KIF1A: variants seen among roughly 807,000 people sequenced by gnomAD.
KIF1A encodes kinesin-like protein KIF1A.
KIF1A carries 46 observed loss-of-function variants against 227.3 expected under a neutral mutation model. The observed-to-expected ratio is 0.20, with a 90% confidence interval of 0.16 to 0.26. KIF1A has a LOEUF of 0.26. Ranked by LOEUF, KIF1A falls within the 10% of genes least tolerant of loss-of-function variation. KIF1A has a pLI of 1.00. For synonymous variants in KIF1A, 1,022 were observed against 1,012.8 expected, an observed-to-expected ratio of 1.01 and a Z score of -0.17; for missense variants, 1,683 against 2,485.9, an observed-to-expected ratio of 0.68 and a Z score of 6.87.
intron 20 of KIF1A, among the ~76,000 whole-genome samples, chr2:240,765,334 C>T (rs988152365): frequency 1.5e-4 from 23 of 152,274 alleles, no homozygotes; most frequent in Non-Finnish European, 2.9e-4. Flanking sequence ...CACAACACCT[C>T]AGCTCTGGGA....
intron 17 of KIF1A, among the ~76,000 whole-genome samples, 190 bp downstream of exon 17, chr2:240,768,943 G>A (rs929585400): frequency 6.6e-6 from 1 of 152,228 alleles, no homozygotes; most frequent in African/African-American, 2.4e-5. Context: ...CCCACCATGA[G>A]AATGTGGGGA....
At chr2:240,723,865 G>C (rs1168984247) in intron 41 of KIF1A, 110 bp downstream of exon 41, 3 of 957,948 alleles carry the variant, frequency 3.1e-6, no homozygotes, top group Non-Finnish European at 5.1e-6. Context: ...TGAGTGCTTG[G>C]GTTCTGTGAG....
At chr2:240,809,979 A>AT (rs1480872702) in intron 1 of KIF1A, among the ~76,000 whole-genome samples, 7 of 151,612 alleles carry the variant, frequency 4.6e-5, no homozygotes, top group African/African-American at 1.7e-4. Flanking sequence ...TTTTATTTTT[A>AT]TTTTTTGTAT....
chr2:240,784,070 C>T (rs2054408237), intron 7 of KIF1A, among the ~76,000 whole-genome samples: 1 of 152,220 alleles, frequency 6.6e-6, no homozygotes, highest in Non-Finnish European at 1.5e-5. Flanking sequence ...GCTGCCACCA[C>T]ACGCTGGGTG....
chr2:240,758,569 C>A lies in KIF1A; in HGVS notation c.2445-72G>T. 7.0e-7 allele frequency: 1 copy of A among 1,420,472 alleles called. No homozygotes were observed. Among genetic ancestry groups the A allele is most frequent in the Non-Finnish European group, 9.3e-7 (1 of 1,078,880 alleles). 88.0% of individuals were successfully genotyped at this position (1,420,472 alleles called of 1,614,324 possible). On this transcript the variant is annotated intron_variant, in intron 25 of 48. Transcript: ENST00000498729. This position sits in a 1 kb window ranked among gnomAD's most constrained non-coding sequence, Gnocchi z 5.2. ...CAGCTGGCACCGCACACCCTTATCT[C>A]CTGGGGACAGTGGGCTCAGCCTAGC...
At position 240,758,303 on chromosome 2, in the gene KIF1A, A is replaced by G. The variant is rs2125874404; in HGVS notation, c.2582+57T>C. On this transcript the variant is annotated intron_variant, in intron 26 of 48. Transcript: ENST00000498729. The surrounding 1 kb of genome is among the most constrained non-coding windows in gnomAD (Gnocchi z 5.2). ...CAGGCCAGGGCCCACTCCTACCCCC[A>G]CTGCCATCTCTCTCTCTCAATCTCT... 6.4e-7 allele frequency: 1 copy of G among 1,566,270 alleles called. No homozygotes were observed. Among genetic ancestry groups the G allele is most frequent in the Non-Finnish European group, 8.7e-7 (1 of 1,154,392 alleles).
intron 8 of KIF1A, among the ~76,000 whole-genome samples, 161 bp from the exon 9 acceptor site, chr2:240,783,270 C>T (rs1290319507): frequency 6.6e-6 from 1 of 152,158 alleles, no homozygotes; most frequent in African/African-American, 2.4e-5. Flanking sequence ...TGGCAGAAAG[C>T]CAGCTGGAGC....
chr2:240,794,623 T>C (rs1470306345), intron 2 of KIF1A, among the ~76,000 whole-genome samples: 1 of 152,224 alleles, frequency 6.6e-6, no homozygotes. Flanking sequence ...CCGGGCTTGG[T>C]AAAACAGCAC....
In KIF1A at chr2:240,793,732, C is replaced by A. The variant is rs183574767; in HGVS notation, c.106+3915G>T. 6.6e-6 allele frequency among the ~76,000 whole-genome samples: 1 copy of A among 152,350 alleles called. No individual in the cohort carries two copies. Among genetic ancestry groups the A allele is most frequent in the African/African-American group, 2.4e-5 (1 of 41,588 alleles). On this transcript the variant is annotated intron_variant, in intron 2 of 48. Coordinates refer to ENST00000498729, the MANE Select transcript of KIF1A (RefSeq NM_001244008.2). This position sits in a 1 kb window ranked among gnomAD's most constrained non-coding sequence, Gnocchi z 4.8. Reference sequence around the variant, plus strand: ...TATGCAGGTGATGATTACGGGATAACAGTTAAATTTACTTTCAAATGCTTC... The same window carrying A: ...TATGCAGGTGATGATTACGGGATAAAAGTTAAATTTACTTTCAAATGCTTC...
intron 43 of KIF1A, 126 bp downstream of exon 43, chr2:240,722,330 C>T (rs533454685): frequency 1.1e-5 from 10 of 899,494 alleles, no homozygotes; most frequent in African/African-American, 1.0e-4. Flanking sequence ...CCCTCAAGCT[C>T]CTAGCTCCTG....
At chr2:240,717,924 A>G in intron 48 of KIF1A, 126 bp downstream of exon 48, 3 of 706,740 alleles carry the variant, frequency 4.2e-6, no homozygotes, top group Admixed American at 2.0e-5. Flanking sequence ...CCAGGAGGGG[A>G]TTGAGGGCAG....
At chr2:240,780,049 C>T (rs1025961177) in intron 10 of KIF1A, among the ~76,000 whole-genome samples, 2 of 152,250 alleles carry the variant, frequency 1.3e-5, no homozygotes, top group South Asian at 2.1e-4. Flanking sequence ...GTGCCTCAGA[C>T]GGGGGCTCAC....
At chr2:240,781,843 C>G (rs1039455312) in intron 10 of KIF1A, 1 of 985,414 alleles carries the variant, frequency 1.0e-6, no homozygotes, top group Non-Finnish European at 1.2e-6. Flanking sequence ...TCAGTCCACA[C>G]GCCTTCTCCC....
At chr2:240,745,978 G>A (rs964301030) in intron 30 of KIF1A, 61 bp downstream of exon 30, 29 of 1,595,156 alleles carry the variant, frequency 1.8e-5, no homozygotes, top group African/African-American at 1.5e-4. Flanking sequence ...GGCCTGGGCC[G>A]GGCTCAGGAA....
At chr2:240,813,876 G>A (rs901544559) in intron 1 of KIF1A, among the ~76,000 whole-genome samples, 1 of 152,174 alleles carries the variant, frequency 6.6e-6, no homozygotes, top group Non-Finnish European at 1.5e-5. Context: ...GAACAGACGC[G>A]AAACAACCGA....
intron 1 of KIF1A, among the ~76,000 whole-genome samples, chr2:240,816,932 C>T (rs1335546190): frequency 1.3e-5 from 2 of 152,208 alleles, no homozygotes; most frequent in African/African-American, 4.8e-5. Context: ...CCAGCTGTTC[C>T]CTGGGTTCTT....
chr2:240,815,302 C>T (rs1160486102), intron 1 of KIF1A, among the ~76,000 whole-genome samples: 1 of 152,196 alleles, frequency 6.6e-6, no homozygotes, highest in East Asian at 1.9e-4. Flanking sequence ...AAACTGAGGC[C>T]CACCCTCAGG....
chr2:240,717,386 C>A lies in KIF1A; in HGVS notation c.5354G>T (p.Arg1785Met), dbSNP rs1288174496. 1 of 1,611,748 alleles carries A rather than the reference C, an allele frequency of 6.2e-7. No individual in the cohort carries two copies. Among genetic ancestry groups the A allele is most frequent in the Admixed American group, 1.7e-5 (1 of 59,984 alleles). Residue 1785 changes from arginine to methionine, a missense_variant, in exon 49 of 49, where the codon AGG becomes ATG. Physicochemically the swap from Arg to Met is moderately conservative, Grantham distance 91 (BLOSUM62 -1). Coordinates refer to ENST00000498729, the MANE Select transcript of KIF1A (RefSeq NM_001244008.2). ...GTIRSKLSRR[R>M]SAQMRV is the part of the protein sequence containing the mutation. Reference sequence around the variant, plus strand: ...GGTTCAGACCCGCATCTGGGCAGACCTCCTTCTGGAGAGCTTGGACCTGCA... The same window carrying A: ...GGTTCAGACCCGCATCTGGGCAGACATCCTTCTGGAGAGCTTGGACCTGCA...
chr2:240,735,188 C>A (rs1481138890), intron 38 of KIF1A, among the ~76,000 whole-genome samples: 1 of 152,170 alleles, frequency 6.6e-6, no homozygotes, highest in African/African-American at 2.4e-5. Context: ...GGGCCAAAGC[C>A]GCTTCGGGGA....
Sources: allele counts gnomAD v4.1 joint callset (sites outside exome capture counted in the v4.1 genomes callset), GRCh38; gene constraint gnomAD v4.1.1; non-coding constraint Gnocchi (gnomAD v3.1); transcripts MANE v1.5; gene names NCBI Gene and HGNC (gene_info 2026-07-23, HGNC 2026-07-21).